SYCP1: variants seen among roughly 807,000 people sequenced by gnomAD.
SYCP1 encodes the protein synaptonemal complex protein 1.
SYCP1 carries 64 observed loss-of-function variants against 153.1 expected under a neutral mutation model. That is an observed-to-expected ratio of 0.42 (90% CI 0.34 to 0.51). The LOEUF (loss-of-function observed/expected upper bound fraction) is 0.51. Ranked by LOEUF, SYCP1 falls within the 20% of genes least tolerant of loss-of-function variation. The pLI, the probability that SYCP1 is intolerant of heterozygous loss-of-function variation, is 0.06. For synonymous variants in SYCP1, 384 were observed against 341.8 expected, an observed-to-expected ratio of 1.12 and a Z score of -1.36; for missense variants, 997 against 1,049.0, an observed-to-expected ratio of 0.95 and a Z score of 0.68.
rs565997032 is a variant in SYCP1 at position 114,981,775 on chromosome 1, C to T, written c.2559+263C>T. The stretch of plus-strand genomic sequence containing the variant: ...ATAGGTGTAAGCCACTGTGCCTGGC[C>T]TTCAACATGAAATTGTTTCATTTTT... On this transcript the variant is annotated intron_variant, in intron 29 of 31. Coordinates refer to ENST00000369522, the MANE Select transcript of SYCP1 (RefSeq NM_003176.4). 3.9e-4 allele frequency among the ~76,000 whole-genome samples: 60 copies of T among 152,086 alleles called. 1 individual carries two copies. In the South Asian group the frequency reaches 0.012, roughly 30 times the overall value.
At chr1:114,994,265 AATATT>A (rs1445926164) in intron 30 of SYCP1, among the ~76,000 whole-genome samples, 4 of 151,400 alleles carry the variant, frequency 2.6e-5, no homozygotes, top group Non-Finnish European at 5.9e-5. Flanking sequence ...GATCATAGAT[AATATT>A]ATAAGTTTTT....
intron 23 of SYCP1, among the ~76,000 whole-genome samples, chr1:114,934,278 T>C (rs984294393): frequency 5.3e-5 from 8 of 152,174 alleles, no homozygotes; most frequent in African/African-American, 1.9e-4. Flanking sequence ...GAAAAGAATT[T>C]TCAACCCAGA....
chr1:114,904,392 A>T (rs1292095124), intron 16 of SYCP1, among the ~76,000 whole-genome samples: 1 of 152,152 alleles, frequency 6.6e-6, no homozygotes, highest in Non-Finnish European at 1.5e-5. Context: ...CTGGGATTAC[A>T]GGTGTGAGCC....
intron 8 of SYCP1, among the ~76,000 whole-genome samples, chr1:114,869,578 C>A (rs955374002): frequency 6.6e-6 from 1 of 152,156 alleles, no homozygotes; most frequent in African/African-American, 2.4e-5. Context: ...ACAGGTTAAG[C>A]AGCCCTAATC....
Position 114,994,776 on chromosome 1 carries a change from A to T in SYCP1, c.2782A>T (p.Thr928Ser). 6.3e-7 allele frequency: 1 copy of T among 1,589,994 alleles called. No individual in the cohort carries two copies. The highest frequency in any genetic ancestry group is 1.7e-4 in the Middle Eastern group (1 of 5,906). ...ACCAGCTTCTCATCTTTGTGTCAAAACACCAAAAAAGGTAGCTTTTAAATT... is the reference window on the plus strand; with the variant it reads ...ACCAGCTTCTCATCTTTGTGTCAAATCACCAAAAAAGGTAGCTTTTAAATT... ...NPPASHLCVK[T>S]PKKAPSSLTT... The change falls in exon 31 of 32, where the codon ACA becomes TCA. Residue 928 changes from threonine to serine, a missense_variant. Thr to Ser is a moderately conservative substitution (Grantham distance 58). Coordinates refer to ENST00000369522, the MANE Select transcript of SYCP1 (RefSeq NM_003176.4).
chr1:114,950,064 C>G lies in SYCP1; in HGVS notation c.2322+2744C>G, dbSNP rs2101841630. Among the ~76,000 whole-genome samples, 3 of 152,242 alleles carry G rather than the reference C, an allele frequency of 2.0e-5. 1 individual carries two copies. In the South Asian group the frequency reaches 6.2e-4, roughly 32 times the overall value. ...CTGCCCTTTTCTATTAGGGTCCCTCCCAAAGGAAGAATTATGTATTTCCAC... is the reference window on the plus strand; with the variant it reads ...CTGCCCTTTTCTATTAGGGTCCCTCGCAAAGGAAGAATTATGTATTTCCAC... On this transcript the variant is annotated intron_variant, in intron 27 of 31. Coordinates refer to ENST00000369522, the MANE Select transcript of SYCP1 (RefSeq NM_003176.4).
intron 16 of SYCP1, among the ~76,000 whole-genome samples, chr1:114,901,739 C>T (rs1667458793): frequency 6.6e-6 from 1 of 152,170 alleles, no homozygotes; most frequent in South Asian, 2.1e-4. Flanking sequence ...CCTCACAAAT[C>T]CTTTCTCACA....
chr1:114,977,303 A>G (rs938264724), intron 27 of SYCP1, among the ~76,000 whole-genome samples: 1 of 151,806 alleles, frequency 6.6e-6, no homozygotes, highest in South Asian at 2.1e-4. Context: ...TGAGATTCAG[A>G]GTTTTAAGAG....
intron 12 of SYCP1, among the ~76,000 whole-genome samples, chr1:114,882,947 A>C (rs1240944754): frequency 6.6e-6 from 1 of 152,194 alleles, no homozygotes; most frequent in Non-Finnish European, 1.5e-5. Flanking sequence ...GACACCCTCT[A>C]CCTTCTGTAA....
Position 114,917,550 on chromosome 1 carries a change from C to G in SYCP1, c.1718+3505C>G, listed in dbSNP as rs145247737. Among the ~76,000 whole-genome samples, 137 of 152,076 alleles carry G rather than the reference C, an allele frequency of 9.0e-4. 1 individual carries two copies. Among genetic ancestry groups the G allele is most frequent in the Non-Finnish European group, 1.6e-3 (108 of 67,922 alleles). On this transcript the variant is annotated intron_variant, in intron 20 of 31. Coordinates refer to ENST00000369522, the MANE Select transcript of SYCP1 (RefSeq NM_003176.4). ...ATACGGTAGCTCTATTTTTGAGGAA[C>G]CTCCAAGCCATTCTCCATAGTGGTT...
intron 23 of SYCP1, among the ~76,000 whole-genome samples, chr1:114,932,937 C>T (rs1444322137): frequency 1.3e-5 from 2 of 152,228 alleles, no homozygotes; most frequent in Non-Finnish European, 2.9e-5. Flanking sequence ...CTCAAGGAGG[C>T]CTGCCTGCCT....
At chr1:114,926,232 A>C in intron 21 of SYCP1, 46 bp from the exon 22 acceptor site, 1 of 1,341,166 alleles carries the variant, frequency 7.5e-7, no homozygotes, top group African/African-American at 1.5e-5. Flanking sequence ...GCCTGTTTCA[A>C]CTGGTATACT....
intron 24 of SYCP1, 63 bp from the exon 25 acceptor site, chr1:114,944,809 T>C (rs1385657032): frequency 1.5e-5 from 18 of 1,183,792 alleles, no homozygotes; most frequent in Non-Finnish European, 1.2e-6. Context: ...CATATACTTT[T>C]TACACTTGTT....
intron 12 of SYCP1, 87 bp from the exon 13 acceptor site, chr1:114,885,447 GA>G: frequency 1.3e-6 from 1 of 741,552 alleles, no homozygotes. Flanking sequence ...TCTAACGGAG[GA>G]AAAAGACTAA....
At chr1:114,969,616 G>A (rs1220156475) in intron 27 of SYCP1, among the ~76,000 whole-genome samples, 4 of 152,094 alleles carry the variant, frequency 2.6e-5, no homozygotes, top group Non-Finnish European at 5.9e-5. Flanking sequence ...AAGACTACTC[G>A]GCTCCCAGGC....
At chr1:114,903,190 CAAA>C (rs1667588575) in intron 16 of SYCP1, among the ~76,000 whole-genome samples, 1 of 151,980 alleles carries the variant, frequency 6.6e-6, no homozygotes, top group Non-Finnish European at 1.5e-5. Context: ...AGAACAAAAA[CAAA>C]CATTTGTTGA....
chr1:114,986,286 G>A (rs1017621314), intron 30 of SYCP1, among the ~76,000 whole-genome samples: 5 of 151,990 alleles, frequency 3.3e-5, no homozygotes, highest in African/African-American at 1.2e-4. Flanking sequence ...GACTATGTAA[G>A]TCATTGCACA....
intron 27 of SYCP1, among the ~76,000 whole-genome samples, chr1:114,970,633 T>C (rs1300338355): frequency 6.6e-6 from 1 of 152,070 alleles, no homozygotes; most frequent in African/African-American, 2.4e-5. Flanking sequence ...CCTCTTCCCC[T>C]AGGGATGGGG....
At chr1:114,957,109 G>A (rs138877292) in intron 27 of SYCP1, among the ~76,000 whole-genome samples, 1 of 150,646 alleles carries the variant, frequency 6.6e-6, no homozygotes, top group Non-Finnish European at 1.5e-5. Context: ...CTCTTGCCCA[G>A]GATGAAGTGC....
Sources: gnomAD v4.1 joint callset for allele counts (sites outside exome capture counted in the v4.1 genomes callset) on GRCh38, gnomAD v4.1.1 for gene constraint, MANE v1.5 for transcripts, NCBI Gene and HGNC (gene_info 2026-07-23, HGNC 2026-07-21) for gene names.